CDKAL1: variants seen among roughly 807,000 people sequenced by gnomAD.
The protein encoded by CDKAL1 is threonylcarbamoyladenosine tRNA methylthiotransferase.
In CDKAL1, 32 loss-of-function variants were observed where a neutral mutation model predicts 68.2. That is an observed-to-expected ratio of 0.47 (90% CI 0.35 to 0.63). The LOEUF (loss-of-function observed/expected upper bound fraction) is 0.63. CDKAL1 is among the 30% of genes least tolerant of loss of function. The pLI is 0.00. For synonymous variants in CDKAL1, 234 were observed against 244.3 expected (o/e 0.96, Z 0.39); for missense variants, 606 against 696.7 (o/e 0.87, Z 1.47).
intron 12 of CDKAL1, among the ~76,000 whole-genome samples, chr6:21,099,031 G>A (rs1664256492): frequency 6.6e-6 from 1 of 152,102 alleles, no homozygotes; most frequent in African/African-American, 2.4e-5. Context: ...ATTAAGCAAA[G>A]GTTCTAAACT....
intron 11 of CDKAL1, among the ~76,000 whole-genome samples, chr6:21,003,371 T>TATACACACACACACACACACACACACAC: frequency 8.1e-5 from 4 of 49,290 alleles, no homozygotes; most frequent in Admixed American, 5.7e-4. Context: ...TATATATATA[T>TATACACACACACACACACACACACACAC]ACACACACAC....
intron 9 of CDKAL1, among the ~76,000 whole-genome samples, chr6:20,935,433 T>G (rs998447870): frequency 6.8e-6 from 1 of 146,364 alleles, no homozygotes; most frequent in African/African-American, 2.6e-5. Flanking sequence ...AAATTAGACT[T>G]TTTTTTTTTT....
In CDKAL1 at chr6:20,948,776, A is replaced by G. The variant is rs114887511; in HGVS notation, c.743-6643A>G. Among the ~76,000 whole-genome samples the G allele has an allele frequency of 6.2e-3, 939 of 152,326 alleles. 11 individuals carry two copies. The highest frequency in any genetic ancestry group is 0.021 in the African/African-American group (875 of 41,564). ...AAAATGCCCATATATGGAGCATAAC[A>G]TACTGTGGTATTAAGAGGATAAACT... On this transcript the variant is annotated intron_variant, in intron 9 of 15. Coordinates refer to ENST00000274695, the MANE Select transcript of CDKAL1 (RefSeq NM_017774.3).
At chr6:21,044,395 T>C (rs192700441) in intron 11 of CDKAL1, among the ~76,000 whole-genome samples, 2 of 152,318 alleles carry the variant, frequency 1.3e-5, no homozygotes, top group Admixed American at 1.3e-4. Context: ...AACTCAAGCC[T>C]TCATTCTAAT....
intron 8 of CDKAL1, among the ~76,000 whole-genome samples, chr6:20,837,812 A>G (rs1778008856): frequency 1.3e-5 from 2 of 151,450 alleles, no homozygotes; most frequent in South Asian, 4.2e-4. Context: ...TGCAAATTCT[A>G]ATTCAGTAAA....
chr6:21,206,255 C>T (rs77524953), intron 15 of CDKAL1, among the ~76,000 whole-genome samples: 1 of 151,128 alleles, frequency 6.6e-6, no homozygotes, highest in African/African-American at 2.4e-5. Context: ...ACACTGGATA[C>T]AAAAAAATAA....
chr6:20,613,298 G>A (rs1382487896), intron 4 of CDKAL1, among the ~76,000 whole-genome samples: 1 of 77,456 alleles, frequency 1.3e-5, no homozygotes. Context: ...TTTTTGAGAC[G>A]GAGTCTCGCT....
At chr6:20,676,698 T>TAAAATA (rs372576234) in intron 5 of CDKAL1, among the ~76,000 whole-genome samples, 1 of 80,752 alleles carries the variant, frequency 1.2e-5, no homozygotes, top group African/African-American at 6.9e-5. Flanking sequence ...AATAAATAAA[T>TAAAATA]AAATAAAATA....
At chr6:21,091,535 A>G (rs1773007510) in intron 12 of CDKAL1, among the ~76,000 whole-genome samples, 1 of 152,212 alleles carries the variant, frequency 6.6e-6, no homozygotes, top group Non-Finnish European at 1.5e-5. Flanking sequence ...TCAGGCGTAC[A>G]GCTCAGGCAT....
chr6:20,799,524 T>C (rs1776279354), intron 8 of CDKAL1, among the ~76,000 whole-genome samples: 1 of 152,176 alleles, frequency 6.6e-6, no homozygotes, highest in African/African-American at 2.4e-5. Context: ...AAGACAGTTA[T>C]ATAGCAGGAT....
intron 12 of CDKAL1, among the ~76,000 whole-genome samples, chr6:21,067,690 T>G (rs1771533346): frequency 1.3e-5 from 2 of 152,164 alleles, no homozygotes; most frequent in African/African-American, 4.8e-5. Flanking sequence ...TTGTTCCACT[T>G]GTGTGTAAAC....
intron 5 of CDKAL1, among the ~76,000 whole-genome samples, chr6:20,735,071 C>T (rs1451642838): frequency 2.0e-5 from 3 of 151,498 alleles, no homozygotes; most frequent in African/African-American, 7.3e-5. Flanking sequence ...GGTTTCACCA[C>T]GTTGGCCAGA....
At chr6:20,626,560 A>C (rs1413035193) in intron 4 of CDKAL1, among the ~76,000 whole-genome samples, 2 of 152,162 alleles carry the variant, frequency 1.3e-5, no homozygotes, top group Non-Finnish European at 2.9e-5. Context: ...ATATTTTAAA[A>C]CTTATTACTA....
rs982334614 is a variant in CDKAL1, at chr6:20,932,532, C to A, written c.743-22887C>A. ...GTAAAAAAGAAACTACAAAGGGATT[C>A]CTGCTGACTCATGAGCCCTAAGCCT... On this transcript the variant is annotated intron_variant, in intron 9 of 15. Coordinates refer to ENST00000274695, the MANE Select transcript of CDKAL1 (RefSeq NM_017774.3). Among the ~76,000 whole-genome samples, 23 of 152,086 alleles carry A rather than the reference C, an allele frequency of 1.5e-4. 1 individual carries two copies. The highest frequency in any genetic ancestry group is 1.4e-3 in the Admixed American group (21 of 15,268).
At chr6:20,832,223 C>T (rs1777747451) in intron 8 of CDKAL1, among the ~76,000 whole-genome samples, 1 of 151,862 alleles carries the variant, frequency 6.6e-6, no homozygotes, top group Non-Finnish European at 1.5e-5. Context: ...TGAGAAATGC[C>T]CATTAAAATG....
chr6:21,061,054 G>T (rs2150926573), intron 11 of CDKAL1, among the ~76,000 whole-genome samples: 1 of 152,220 alleles, frequency 6.6e-6, no homozygotes. Context: ...TTTAAAGTGT[G>T]GGGTGTGTAT....
At chr6:21,097,682 T>TC (rs879614225) in intron 12 of CDKAL1, among the ~76,000 whole-genome samples, 6 of 152,186 alleles carry the variant, frequency 3.9e-5, no homozygotes, top group Admixed American at 3.3e-4. Context: ...ATGCTGTCAT[T>TC]CCCCCGTTCT....
chr6:20,663,797 A>G (rs1443728492), intron 5 of CDKAL1, among the ~76,000 whole-genome samples: 3 of 152,146 alleles, frequency 2.0e-5, no homozygotes, highest in South Asian at 4.1e-4. Context: ...GGAGTTTATG[A>G]TGATTATCAT....
chr6:20,616,908 T>C (rs1286295673), intron 4 of CDKAL1, among the ~76,000 whole-genome samples: 1 of 148,440 alleles, frequency 6.7e-6, no homozygotes, highest in African/African-American at 2.5e-5. Context: ...GACATGATGG[T>C]GTGCACCTGT....
Sources: allele counts gnomAD v4.1 joint callset (sites outside exome capture counted in the v4.1 genomes callset), GRCh38; gene constraint gnomAD v4.1.1; transcripts MANE v1.5; gene names NCBI Gene and HGNC (gene_info 2026-07-23, HGNC 2026-07-21).